Variants in IFIT2 observed in about 807,000 individuals in gnomAD.
IFIT2 encodes the protein interferon induced protein with tetratricopeptide repeats 2.
IFIT2 carries 3 observed loss-of-function variants against 2.5 expected under a neutral mutation model. The observed-to-expected ratio is 1.21, with a 90% confidence interval of 0.55 to 3.14. The LOEUF (loss-of-function observed/expected upper bound fraction) is 3.14. Ranked by LOEUF, IFIT2 falls within the 30% of genes most tolerant of loss-of-function variation. The pLI, the probability that IFIT2 is intolerant of heterozygous loss-of-function variation, is 0.03. For synonymous variants in IFIT2, 212 were observed against 200.7 expected, an observed-to-expected ratio of 1.06 and a Z score of -0.48; for missense variants, 493 against 558.9, an observed-to-expected ratio of 0.88 and a Z score of 1.19.
Position 89,307,517 on chromosome 10 carries a change from T to A in IFIT2, c.*142T>A. The stretch of plus-strand genomic sequence containing the variant: ...GGCCATACCACTGGACAGGGTTATG[T>A]TAACACCTGAATTGCTGGGTCTTGA... On this transcript the variant is annotated 3_prime_UTR_variant, in exon 2 of 2. Transcript: ENST00000371826. 1 of 680,384 alleles carries A rather than the reference T, an allele frequency of 1.5e-6. No homozygotes were observed. Among genetic ancestry groups the A allele is most frequent in the Non-Finnish European group, 2.4e-6 (1 of 413,190 alleles). 42.1% of individuals were successfully genotyped at this position (680,384 alleles called of 1,614,324 possible).
At position 89,306,293 on chromosome 10, in the gene IFIT2, G is replaced by A. The variant is rs769134303; in HGVS notation, c.337G>A (p.Val113Ile). ...VYYHMGRLSD[V>I]QIYVDKVKHV... ...CTATCACATGGGCCGACTCTCAGAC[G>A]TTCAGATTTATGTAGACAAGGTGAA... The change falls in exon 2 of 2, where the codon GTT (valine) becomes ATT (isoleucine). Residue 113 changes from valine (V) to isoleucine (I), a missense_variant. Transcript: ENST00000371826. 28 of 1,613,982 alleles carry A rather than the reference G, an allele frequency of 1.7e-5. No homozygotes were observed. The highest frequency in any genetic ancestry group is 1.3e-4 in the Admixed American group (8 of 59,978).
Position 89,306,423 on chromosome 10 carries a change from G to A in IFIT2, c.467G>A (p.Arg156Lys). The change falls in exon 2 of 2, where the codon AGA becomes AAA. Residue 156 changes from arginine to lysine, a missense_variant. Physicochemically the swap from Arg to Lys is conservative, Grantham distance 26 (BLOSUM62 2). Coordinates refer to ENST00000371826, the MANE Select transcript of IFIT2 (RefSeq NM_001547.5). ...AAGTGTGGAGGAAACCAAAATGAAA[G>A]AGCGAAGGTGTGCTTTGAGAAGGCT... ...RLKCGGNQNE[R>K]AKVCFEKALE... 1 of 1,614,148 alleles carries A rather than the reference G, an allele frequency of 6.2e-7. No homozygotes were observed. The highest frequency in any genetic ancestry group is 8.5e-7 in the Non-Finnish European group (1 of 1,180,022).
intron 1 of IFIT2, among the ~76,000 whole-genome samples, chr10:89,303,047 CT>C (rs1278361072): frequency 6.7e-6 from 1 of 149,012 alleles, no homozygotes; most frequent in African/African-American, 2.5e-5. Flanking sequence ...TTACAGATTT[CT>C]TTTTTTTGTA....
rs1406205173 is a variant in IFIT2 at position 89,307,674 on chromosome 10, A to T, written c.*299A>T. On this transcript the variant is annotated 3_prime_UTR_variant, in exon 2 of 2. Coordinates refer to ENST00000371826, the MANE Select transcript of IFIT2 (RefSeq NM_001547.5). ...ACATTTGCTTAGTCACCTTTAGTGGAGTAATCTACTGGGCTTGTTTCTATA... is the reference window on the plus strand; with the variant it reads ...ACATTTGCTTAGTCACCTTTAGTGGTGTAATCTACTGGGCTTGTTTCTATA... The T allele has an allele frequency of 6.8e-6, 2 of 292,870 alleles. No homozygotes were observed. The highest frequency in any genetic ancestry group is 1.3e-5 in the Non-Finnish European group (2 of 155,206). 18.1% of individuals were successfully genotyped at this position (292,870 alleles called of 1,614,324 possible).
intron 1 of IFIT2, among the ~76,000 whole-genome samples, chr10:89,305,093 G>A (rs554266996): frequency 6.6e-6 from 1 of 151,810 alleles, no homozygotes; most frequent in African/African-American, 2.4e-5. Flanking sequence ...ATAGAGGTAT[G>A]GGGGGGAGGG....
In IFIT2 at chr10:89,302,146, G is replaced by A. The variant is rs376826158; in HGVS notation, c.5+18G>A. 124 of 1,613,440 alleles carry A rather than the reference G, an allele frequency of 7.7e-5. No homozygotes were observed. The highest frequency in any genetic ancestry group is 9.9e-5 in the Non-Finnish European group (117 of 1,179,542). On this transcript the variant is annotated intron_variant, in intron 1 of 1. Coordinates refer to ENST00000371826, the MANE Select transcript of IFIT2 (RefSeq NM_001547.5). ...ACCATGAGGTAAATATTTTCCCTTC[G>A]TATTCGGTAGTGCTGTTGAGTCATC... is the stretch of plus-strand genomic sequence containing the variant.
At chr10:89,302,569 T>C (rs1843452108) in intron 1 of IFIT2, among the ~76,000 whole-genome samples, 1 of 152,214 alleles carries the variant, frequency 6.6e-6, no homozygotes, top group Non-Finnish European at 1.5e-5. Context: ...CTGTTAAAGA[T>C]ATACACAGAA....
chr10:89,307,672 G>C lies in IFIT2; in HGVS notation c.*297G>C, dbSNP rs1327951721. On this transcript the variant is annotated 3_prime_UTR_variant, in exon 2 of 2. Coordinates refer to ENST00000371826, the MANE Select transcript of IFIT2 (RefSeq NM_001547.5). ...TAACATTTGCTTAGTCACCTTTAGT[G>C]GAGTAATCTACTGGGCTTGTTTCTA... The C allele has an allele frequency of 3.4e-6, 1 of 295,636 alleles. No individual in the cohort carries two copies. The highest frequency in any genetic ancestry group is 6.4e-6 in the Non-Finnish European group (1 of 156,926). 18.3% of individuals were successfully genotyped at this position (295,636 alleles called of 1,614,324 possible). A position where few individuals can be genotyped will look rare whatever the true frequency, so the allele number is the denominator to read the frequency against.
At chr10:89,303,137 A>G (rs1843456453) in intron 1 of IFIT2, among the ~76,000 whole-genome samples, 1 of 152,130 alleles carries the variant, frequency 6.6e-6, no homozygotes, top group South Asian at 2.1e-4. Flanking sequence ...TTCCCATTAC[A>G]ATACAGACCC....
rs776263317 is a variant in IFIT2 at position 89,307,177 on chromosome 10, G to A, written c.1221G>A (p.Glu407=). The change falls in exon 2 of 2, where the codon GAG becomes GAA. Residue 407 remains glutamate (E), a synonymous_variant. Coordinates refer to ENST00000371826, the MANE Select transcript of IFIT2 (RefSeq NM_001547.5). ...TAAAAATAAACCAGAAATCAAGGGA[G>A]AAAGAAAAGATGAAAGACAAACTGC... ...EGVKINQKSR[E]KEKMKDKLQK... The A allele has an allele frequency of 4.8e-5, 77 of 1,613,864 alleles. No homozygotes were observed. The South Asian group carries it at 8.2e-4, about 17-fold the overall frequency.
rs1460514844 is a variant in IFIT2, at chr10:89,308,557, C to G, written c.*1182C>G. 6.6e-6 allele frequency: 1 copy of G among 152,106 alleles called. No individual in the cohort carries two copies. The highest frequency in any genetic ancestry group is 1.5e-5 in the Non-Finnish European group (1 of 68,018). 9.4% of individuals were successfully genotyped at this position (152,106 alleles called of 1,614,324 possible). A position where few individuals can be genotyped will look rare whatever the true frequency, so the allele number is the denominator to read the frequency against. ...ATCTTCTGAGAAATCACAAAATTCA[C>G]GGTATGCTTGGAACGATTGAGATTT... is the stretch of plus-strand genomic sequence containing the variant. On this transcript the variant is annotated 3_prime_UTR_variant, in exon 2 of 2. Transcript: ENST00000371826.
At chr10:89,303,290 C>T (rs945415018) in intron 1 of IFIT2, among the ~76,000 whole-genome samples, 1 of 152,206 alleles carries the variant, frequency 6.6e-6, no homozygotes, top group Non-Finnish European at 1.5e-5. Flanking sequence ...CTAGGGTTGA[C>T]TCCCCAGAGA....
Position 89,307,264 on chromosome 10 carries a change from G to A in IFIT2, c.1308G>A (p.Leu436=), listed in dbSNP as rs368799099. The change falls in exon 2 of 2, where the codon TTG becomes TTA. Residue 436 remains leucine (L), a synonymous_variant. Transcript: ENST00000371826. ...CAGATTCTGAGGCTTTGCATGTCTTGGCATTCCTTCAGGAGCTGAATGAAA... is the reference window on the plus strand; with the variant it reads ...CAGATTCTGAGGCTTTGCATGTCTTAGCATTCCTTCAGGAGCTGAATGAAA... ...NGADSEALHV[L]AFLQELNEKM... 6.8e-6 allele frequency: 11 copies of A among 1,613,974 alleles called. No individual in the cohort carries two copies. In the East Asian group the frequency reaches 2.2e-4, roughly 33 times the overall value.
At position 89,307,494 on chromosome 10, in the gene IFIT2, C is replaced by A; in HGVS notation, c.*119C>A. ...GCAAAAGATTGGACTAAGACACTGG[C>A]CATACCACTGGACAGGGTTATGTTA... On this transcript the variant is annotated 3_prime_UTR_variant, in exon 2 of 2. Transcript: ENST00000371826. The A allele has an allele frequency of 1.3e-6, 1 of 796,298 alleles. No individual in the cohort carries two copies. Among genetic ancestry groups the A allele is most frequent in the Non-Finnish European group, 2.0e-6 (1 of 503,972 alleles). 49.3% of individuals were successfully genotyped at this position (796,298 alleles called of 1,614,324 possible). A position where few individuals can be genotyped will look rare whatever the true frequency, so the allele number is the denominator to read the frequency against.
Position 89,306,150 on chromosome 10 carries a change from G to A in IFIT2, c.194G>A (p.Gly65Glu). The stretch of plus-strand genomic sequence containing the variant: ...CTGGCCTATCTAAAGCACCTCAAAG[G>A]GCAAAACGAGGCAGCCCTGGAATGC... The part of the protein sequence containing the change: ...NLLAYLKHLK[G>E]QNEAALECLR... Residue 65 changes from glycine (G) to glutamate (E), a missense_variant, in exon 2 of 2, where the codon GGG becomes GAG. Coordinates refer to ENST00000371826, the MANE Select transcript of IFIT2 (RefSeq NM_001547.5). 6.2e-7 allele frequency: 1 copy of A among 1,614,066 alleles called. No individual in the cohort carries two copies. Among genetic ancestry groups the A allele is most frequent in the Non-Finnish European group, 8.5e-7 (1 of 1,179,980 alleles).
rs750568486 is a variant in IFIT2 at position 89,306,217 on chromosome 10, C to A, written c.261C>A (p.Asp87Glu). Residue 87 changes from aspartate (D) to glutamate (E), a missense_variant, in exon 2 of 2, where the codon GAC becomes GAA. Coordinates refer to ENST00000371826, the MANE Select transcript of IFIT2 (RefSeq NM_001547.5). ...AEELIQQEHA[D>E]QAEIRSLVTW... The stretch of plus-strand genomic sequence containing the variant: ...AGTTAATCCAGCAAGAGCATGCTGA[C>A]CAGGCAGAAATCAGAAGTCTGGTCA... The A allele has an allele frequency of 1.2e-6, 2 of 1,614,112 alleles. No homozygotes were observed. Among genetic ancestry groups the A allele is most frequent in the Admixed American group, 3.3e-5 (2 of 59,996 alleles).
At position 89,307,017 on chromosome 10, in the gene IFIT2, A is replaced by C; in HGVS notation, c.1061A>C (p.Glu354Ala). The change falls in exon 2 of 2, where the codon GAG (glutamate) becomes GCG (alanine). Residue 354 changes from glutamate (E) to alanine (A), a missense_variant. Transcript: ENST00000371826. ...CTAGCAGATCAGTATGAAGACGCAG[A>C]GTATTACTTCCAAAAGGAATTCAGT... is the stretch of plus-strand genomic sequence containing the variant. ...HALADQYEDA[E>A]YYFQKEFSKE... The C allele has an allele frequency of 6.2e-7, 1 of 1,614,032 alleles. No individual in the cohort carries two copies. Among genetic ancestry groups the C allele is most frequent in the South Asian group, 1.1e-5 (1 of 91,086 alleles).
Position 89,308,329 on chromosome 10 carries a change from T to G in IFIT2, c.*954T>G, listed in dbSNP as rs1335142022. The stretch of plus-strand genomic sequence containing the variant: ...AGCCACTATTAGGAATTTTTTTTTT[T>G]TGTAAAATGAAGACTGAACTCTGTT... On this transcript the variant is annotated 3_prime_UTR_variant, in exon 2 of 2. Coordinates refer to ENST00000371826, the MANE Select transcript of IFIT2 (RefSeq NM_001547.5). 1 of 152,158 alleles carries G rather than the reference T, an allele frequency of 6.6e-6. No homozygotes were observed. Among genetic ancestry groups the G allele is most frequent in the East Asian group, 1.9e-4 (1 of 5,200 alleles). The allele number at this position is 152,158 out of a possible 1,614,324, so 9.4% of individuals were successfully genotyped here. A position where few individuals can be genotyped will look rare whatever the true frequency, so the allele number is the denominator to read the frequency against.
chr10:89,305,723 A>C (rs1843473668), intron 1 of IFIT2, among the ~76,000 whole-genome samples: 1 of 152,116 alleles, frequency 6.6e-6, no homozygotes, highest in Non-Finnish European at 1.5e-5. Context: ...CTAGCCACAG[A>C]CTCAGAGAAC....
Sources: gnomAD v4.1 joint callset for allele counts (sites outside exome capture counted in the v4.1 genomes callset) on GRCh38, gnomAD v4.1.1 for gene constraint, MANE v1.5 for transcripts, NCBI Gene and HGNC (gene_info 2026-07-23, HGNC 2026-07-21) for gene names.